HPD: variants seen among roughly 807,000 people sequenced by gnomAD.
The protein encoded by HPD is 4-hydroxyphenylpyruvic acid oxidase.
HPD carries 35 observed loss-of-function variants against 56.9 expected under a neutral mutation model. That is an observed-to-expected ratio of 0.62 (90% CI 0.47 to 0.82). The LOEUF is 0.82. Among genes scored for constraint, HPD ranks in the 40% least tolerant of loss-of-function variants. The pLI is 0.00. For synonymous variants in HPD, 186 were observed against 200.2 expected (o/e 0.93, Z 0.60); for missense variants, 442 against 506.8 (o/e 0.87, Z 1.23).
At chr12:121,842,556 G>C (rs1469360574) in intron 12 of HPD, among the ~76,000 whole-genome samples, 1 of 151,900 alleles carries the variant, frequency 6.6e-6, no homozygotes. Flanking sequence ...CTCCCCAGTA[G>C]CTGGGACCAC....
At chr12:121,867,116 G>A (rs1004088578), upstream of HPD, among the ~76,000 whole-genome samples, 10 of 152,068 alleles carry the variant, frequency 6.6e-5, no homozygotes, top group South Asian at 4.2e-4. Flanking sequence ...TTTGGGAGGC[G>A]GAGGTGGGCA....
the HPD span, among the ~76,000 whole-genome samples, chr12:121,875,672 C>G: frequency 6.6e-6 from 1 of 152,032 alleles, no homozygotes; most frequent in South Asian, 2.1e-4. Context: ...GTACACTGCC[C>G]ACTTCGGCGT....
chr12:121,851,527 A>G (rs1354505969), intron 7 of HPD, among the ~76,000 whole-genome samples: 1 of 138,944 alleles, frequency 7.2e-6, no homozygotes, highest in East Asian at 2.2e-4. Context: ...TATATTTAGT[A>G]AAGACAGGGT....
At chr12:121,847,252 C>T in intron 9 of HPD, 38 bp from the exon 10 acceptor site, 2 of 1,607,798 alleles carry the variant, frequency 1.2e-6, no homozygotes. Flanking sequence ...GCTCTGAGCG[C>T]CTCCAGGGAC....
Position 121,857,331 on chromosome 12 carries a change from C to T in HPD, c.195G>A (p.Gly65=), listed in dbSNP as rs1209029386. The stretch of plus-strand genomic sequence containing the variant: ...TGTCCTGGGGGTGGTGACTCACCTT[C>T]CCTTGTTTGATTACATGGCTGACCA... The part of the protein sequence containing the change: ...REVVSHVIKQ[G]KIVFVLSSAL... The change falls in exon 4 of 14, where the codon GGG becomes GGA. Residue 65 remains glycine, a synonymous_variant. Transcript: ENST00000289004. The T allele has an allele frequency of 1.9e-6, 3 of 1,609,518 alleles. No homozygotes were observed. The Admixed American group carries it at 5.0e-5, about 27-fold the overall frequency.
rs372171111 is a variant in HPD at position 121,840,774 on chromosome 12, TA to T, written c.955-727del. 3.3e-3 allele frequency among the ~76,000 whole-genome samples: 453 copies of T among 138,556 alleles called. 5 individuals carry two copies. The highest frequency in any genetic ancestry group is 0.01 in the South Asian group (44 of 4,260). 90.9% of individuals were successfully genotyped at this position (138,556 alleles called of 152,430 possible). On this transcript the variant is annotated intron_variant, in intron 12 of 13. Coordinates refer to ENST00000289004, the MANE Select transcript of HPD (RefSeq NM_002150.3). ...AGTGTTGCTTCCTTAAAATACGGAT[TA>T]AAAAAAAAAAAGGGGGTGGCCAGGC...
At chr12:121,843,417 A>T (rs1877470881) in intron 12 of HPD, among the ~76,000 whole-genome samples, 1 of 152,150 alleles carries the variant, frequency 6.6e-6, no homozygotes. Context: ...CCCGCTCATG[A>T]TCTAGACTTC....
At chr12:121,873,871 C>T in the HPD span, among the ~76,000 whole-genome samples, 52 of 152,204 alleles carry the variant, frequency 3.4e-4, no homozygotes, top group East Asian at 9.7e-4. Flanking sequence ...GTAATCCCAG[C>T]GCTTTGGGAG....
chr12:121,869,435 G>T, the HPD span, among the ~76,000 whole-genome samples: 2 of 151,610 alleles, frequency 1.3e-5, no homozygotes, highest in Non-Finnish European at 1.5e-5. Flanking sequence ...GGGCTCAGGG[G>T]GTCCTCCCGC....
intron 11 of HPD, among the ~76,000 whole-genome samples, chr12:121,844,486 G>T (rs191239918): frequency 6.6e-6 from 1 of 151,870 alleles, no homozygotes; most frequent in South Asian, 2.1e-4. Context: ...GGTGGCTCAC[G>T]CCTGTAAGCC....
rs533169787 is a variant in HPD at position 121,855,590 on chromosome 12, G to A, written c.324+734C>T. Reference sequence around the variant, plus strand: ...AAATTAGCTGGGCATGGTGGCAGGCGCCTGTAATCCCAGCTACTCGGGAGG... The same window carrying A: ...AAATTAGCTGGGCATGGTGGCAGGCACCTGTAATCCCAGCTACTCGGGAGG... On this transcript the variant is annotated intron_variant, in intron 6 of 13. Transcript: ENST00000289004. Among the ~76,000 whole-genome samples the A allele has an allele frequency of 6.6e-5, 10 of 152,098 alleles. No homozygotes were observed. In the East Asian group the frequency reaches 1.2e-3, roughly 18 times the overall value.
Position 121,849,748 on chromosome 12 carries a change from T to C in HPD, c.457A>G (p.Ile153Val), listed in dbSNP as rs748745589. The change falls in exon 8 of 14, where the codon ATC becomes GTC. Residue 153 changes from isoleucine to valine, a missense_variant. By Grantham distance (29) the Ile-to-Val change is conservative. Transcript: ENST00000289004. ...TCATATCCAGGCAAGAATTGGCCGATGTAGTTCATCTTCTCCACCAGGGTG... is the reference window on the plus strand; with the variant it reads ...TCATATCCAGGCAAGAATTGGCCGACGTAGTTCATCTTCTCCACCAGGGTG... Reference protein sequence around the residue: ...THTLVEKMNYIGQFLPGYEAP... With the variant: ...THTLVEKMNYVGQFLPGYEAP... 17 of 1,613,870 alleles carry C rather than the reference T, an allele frequency of 1.1e-5. No individual in the cohort carries two copies. Among genetic ancestry groups the C allele is most frequent in the African/African-American group, 9.3e-5 (7 of 74,896 alleles).
In HPD at chr12:121,856,373, C is replaced by T. The variant is rs747274168; in HGVS notation, c.275G>A (p.Gly92Glu). The T allele has an allele frequency of 6.2e-7, 1 of 1,614,216 alleles. No individual in the cohort carries two copies. The highest frequency in any genetic ancestry group is 1.1e-5 in the South Asian group (1 of 91,078). The change falls in exon 6 of 14, where the codon GGA becomes GAA. Residue 92 changes from glycine (G) to glutamate (E), a missense_variant. Gly to Glu is a moderately conservative substitution (Grantham distance 98). Coordinates refer to ENST00000289004, the MANE Select transcript of HPD (RefSeq NM_002150.3). ...CACCTCGAACGCAATGTCCTTCACT[C>T]CGTCACCGTGTTTCACCAGGTGATC... ...MGDHLVKHGD[G>E]VKDIAFEVED...
chr12:121,856,855 CG>C (rs1178864850), intron 4 of HPD: 2 of 591,616 alleles, frequency 3.4e-6, no homozygotes, highest in African/African-American at 3.7e-5. Flanking sequence ...AGGTCTCCCT[CG>C]GGGAGAGAAC....
chr12:121,854,825 G>T, intron 6 of HPD, 33 bp from the exon 7 acceptor site: 1 of 1,541,650 alleles, frequency 6.5e-7, no homozygotes, highest in Non-Finnish European at 9.0e-7. Flanking sequence ...GAATTGGTGA[G>T]GGCTGGAGCC....
rs191293267 is a variant in HPD at position 121,839,922 on chromosome 12, C to T, written c.1071+10G>A. Reference sequence around the variant, plus strand: ...CCTGTCCCCTCGGGCCTGCCGGGGACAAGCAGTACCTGGTGGTTGTGGCGC... The same window carrying T: ...CCTGTCCCCTCGGGCCTGCCGGGGATAAGCAGTACCTGGTGGTTGTGGCGC... On this transcript the variant is annotated intron_variant, in intron 13 of 13. Transcript: ENST00000289004. 3.0e-5 allele frequency: 48 copies of T among 1,611,836 alleles called. 1 individual carries two copies. In the African/African-American group the frequency reaches 4.7e-4, roughly 16 times the overall value.
In HPD at chr12:121,857,781, G is replaced by T. The variant is rs1592924188; in HGVS notation, c.69C>A (p.Thr23=). The change falls in exon 3 of 14, where the codon ACC becomes ACA. Residue 23 remains threonine (T), a synonymous_variant. Coordinates refer to ENST00000289004, the MANE Select transcript of HPD (RefSeq NM_002150.3). Reference sequence around the variant, plus strand: ...CCTGCTTGGCGTTGCCAACCCAGAAGGTCACAGAGTGGAAGTGGAGGAATC... The same window carrying T: ...CCTGCTTGGCGTTGCCAACCCAGAATGTCACAGAGTGGAAGTGGAGGAATC... ...RGRFLHFHSV[T]FWVGNAKQAT... is the part of the protein sequence containing the mutation. The T allele has an allele frequency of 6.2e-7, 1 of 1,614,020 alleles. No individual in the cohort carries two copies. Among genetic ancestry groups the T allele is most frequent in the African/African-American group, 1.3e-5 (1 of 75,044 alleles).
chr12:121,867,795 T>C (rs577968447), upstream of HPD, among the ~76,000 whole-genome samples: 118 of 152,246 alleles, frequency 7.8e-4, no homozygotes, highest in African/African-American at 2.8e-3. Flanking sequence ...CCCCTGGGAT[T>C]ACAGGTGTCA....
At chr12:121,883,864 C>A in the HPD span, among the ~76,000 whole-genome samples, 1 of 151,992 alleles carries the variant, frequency 6.6e-6, no homozygotes, top group South Asian at 2.1e-4. Context: ...CTAATTGTTA[C>A]ATTTTGCCTC....
Sources: allele counts gnomAD v4.1 joint callset (sites outside exome capture counted in the v4.1 genomes callset), GRCh38; gene constraint gnomAD v4.1.1; transcripts MANE v1.5; gene names NCBI Gene and HGNC (gene_info 2026-07-23, HGNC 2026-07-21).